The following PGBD1 variants were observed in gnomAD, a reference collection of about 807,000 sequenced individuals.
The protein encoded by PGBD1 is piggyBac transposable element derived 1.
Under a neutral mutation model 34.7 loss-of-function variants are expected in PGBD1, and 25 were observed. The ratio of observed to expected loss-of-function variants is 0.72; its 90% CI spans 0.52 to 1.00. PGBD1 has a LOEUF of 1.00. Among genes scored for constraint, PGBD1 ranks in the 50% least tolerant of loss-of-function variants. The pLI, the probability that PGBD1 is intolerant of heterozygous loss-of-function variation, is 0.00. For synonymous variants in PGBD1, 292 were observed against 335.7 expected (o/e 0.87, Z 1.42); for missense variants, 830 against 959.4 (o/e 0.87, Z 1.78).
intron 4 of PGBD1, among the ~76,000 whole-genome samples, chr6:28,292,656 A>G (rs2113750580): frequency 6.6e-6 from 1 of 152,180 alleles, no homozygotes; most frequent in South Asian, 2.1e-4. Flanking sequence ...AATACCAATG[A>G]CATTCTTCAC....
intron 4 of PGBD1, among the ~76,000 whole-genome samples, chr6:28,291,799 T>C (rs1436006323): frequency 6.6e-6 from 1 of 152,168 alleles, no homozygotes; most frequent in Non-Finnish European, 1.5e-5. Context: ...TGGTTCAACA[T>C]ATGCAAATCA....
At chr6:28,297,221 C>T (rs1762671790) in intron 5 of PGBD1, among the ~76,000 whole-genome samples, 1 of 152,090 alleles carries the variant, frequency 6.6e-6, no homozygotes, top group Non-Finnish European at 1.5e-5. Flanking sequence ...GTATCCTTTT[C>T]CCCTTTTTTC....
intron 4 of PGBD1, among the ~76,000 whole-genome samples, chr6:28,293,265 A>G (rs1047822924): frequency 6.6e-6 from 1 of 152,138 alleles, no homozygotes; most frequent in African/African-American, 2.4e-5. Flanking sequence ...CAAAGATAAC[A>G]TGGCCCTACT....
intron 1 of PGBD1, among the ~76,000 whole-genome samples, chr6:28,283,241 A>G (rs1762181091): frequency 6.6e-6 from 1 of 152,248 alleles, no homozygotes; most frequent in African/African-American, 2.4e-5. Context: ...TTTCTGCTGT[A>G]TTCCACTGGT....
intron 1 of PGBD1, among the ~76,000 whole-genome samples, chr6:28,283,524 C>A (rs1561883879): frequency 6.6e-6 from 1 of 152,238 alleles, no homozygotes; most frequent in Non-Finnish European, 1.5e-5. Context: ...GCAAGCTACT[C>A]GAGCTTTCTT....
Position 28,285,582 on chromosome 6 carries a change from A to C in PGBD1, c.428A>C (p.His143Pro), listed in dbSNP as rs760010326. The C allele has an allele frequency of 6.2e-6, 10 of 1,614,026 alleles. No individual in the cohort carries two copies. In the East Asian group the frequency reaches 2.0e-4, roughly 32 times the overall value. Residue 143 changes from histidine (H) to proline (P), a missense_variant, in exon 3 of 7, where the codon CAC becomes CCC. Physicochemically the swap from His to Pro is moderately conservative, Grantham distance 77. Transcript: ENST00000682144. Reference sequence around the variant, plus strand: ...GTCTATATTCAGGGACAGGACATGCACCCAATGGTGGCAGAATATCAAGGA... The same window carrying C: ...GTCTATATTCAGGGACAGGACATGCCCCCAATGGTGGCAGAATATCAAGGA... ...ASVYIQGQDM[H>P]PMVAEYQGVS...
At chr6:28,291,020 C>T (rs1581632979) in intron 4 of PGBD1, among the ~76,000 whole-genome samples, 1 of 150,518 alleles carries the variant, frequency 6.6e-6, no homozygotes, top group Non-Finnish European at 1.5e-5. Flanking sequence ...AAATGCACAA[C>T]CTAATGATAC....
intron 5 of PGBD1, 73 bp from the exon 6 acceptor site, chr6:28,297,822 T>G (rs1453340999): frequency 1.7e-5 from 3 of 173,556 alleles, no homozygotes; most frequent in Non-Finnish European, 3.2e-5. Context: ...GGAAGTTTTT[T>G]TTTTTTTTTT....
intron 2 of PGBD1, among the ~76,000 whole-genome samples, chr6:28,284,711 G>T (rs932556923): frequency 6.6e-6 from 1 of 152,038 alleles, no homozygotes; most frequent in African/African-American, 2.4e-5. Flanking sequence ...AGCGGGGGTG[G>T]GGTCTCACTA....
rs1363912083 is a variant in PGBD1 at position 28,302,073 on chromosome 6, C to T, written c.2219C>T (p.Ala740Val). Residue 740 changes from alanine (A) to valine (V), a missense_variant, in exon 7 of 7, where the codon GCT becomes GTT. Ala to Val is a moderately conservative substitution (Grantham distance 64). This residue lies in a region of PGBD1 where 372 missense variants were observed against 427.9 expected (regional missense o/e 0.87). Coordinates refer to ENST00000682144, the MANE Select transcript of PGBD1 (RefSeq NM_032507.4). ...KVYDECKEGVAKMDQIISKYR... is the reference protein window; with the variant it reads ...KVYDECKEGVVKMDQIISKYR... ...TATGATGAATGCAAGGAAGGTGTAG[C>T]TAAAATGGATCAAATTATTTCGAAA... 6.2e-7 allele frequency: 1 copy of T among 1,613,884 alleles called. No individual in the cohort carries two copies. Among genetic ancestry groups the T allele is most frequent in the Non-Finnish European group, 8.5e-7 (1 of 1,179,992 alleles).
At chr6:28,296,050 A>G (rs1762620319) in intron 4 of PGBD1, among the ~76,000 whole-genome samples, 1 of 152,214 alleles carries the variant, frequency 6.6e-6, no homozygotes, top group South Asian at 2.1e-4. Context: ...TCAAGAGGCT[A>G]ATGAAACCAT....
intron 4 of PGBD1, among the ~76,000 whole-genome samples, chr6:28,289,471 T>G (rs1040128822): frequency 6.6e-6 from 1 of 152,226 alleles, no homozygotes; most frequent in Non-Finnish European, 1.5e-5. Context: ...AAGACTAATG[T>G]GCATAAAGAA....
At chr6:28,297,814 A>C in intron 5 of PGBD1, 81 bp from the exon 6 acceptor site, 1 of 569,506 alleles carries the variant, frequency 1.8e-6, no homozygotes, top group Non-Finnish European at 3.0e-6. Flanking sequence ...CCTACCCTGG[A>C]AGTTTTTTTT....
chr6:28,302,188 C>T lies in PGBD1; in HGVS notation c.2334C>T (p.His778=). The change falls in exon 7 of 7, where the codon CAC becomes CAT. Residue 778 remains histidine (H), a synonymous_variant. Transcript: ENST00000682144. The part of the protein sequence containing the change: ...DVAMNNAWQL[H]RACNPGASLD... ...CCATGAACAATGCATGGCAACTACA[C>T]AGAGCCTGTAACCCAGGTGCTTCTC... 1 of 1,614,158 alleles carries T rather than the reference C, an allele frequency of 6.2e-7. No homozygotes were observed. Among genetic ancestry groups the T allele is most frequent in the Middle Eastern group, 1.6e-4 (1 of 6,062 alleles).
intron 4 of PGBD1, 86 bp downstream of exon 4, chr6:28,287,254 C>CGA: frequency 8.4e-7 from 1 of 1,185,654 alleles, no homozygotes; most frequent in Non-Finnish European, 1.3e-6. Flanking sequence ...TTGGCTCACA[C>CGA]TCATCATCGT....
In PGBD1 at chr6:28,300,141, T is replaced by C. The variant is rs1033338623; in HGVS notation, c.870-583T>C. Among the ~76,000 whole-genome samples the C allele has an allele frequency of 6.6e-6, 1 of 152,222 alleles. No individual in the cohort carries two copies. Among genetic ancestry groups the C allele is most frequent in the Non-Finnish European group, 1.5e-5 (1 of 68,030 alleles). On this transcript the variant is annotated intron_variant, in intron 6 of 6. Coordinates refer to ENST00000682144, the MANE Select transcript of PGBD1 (RefSeq NM_032507.4). This position sits in a 1 kb window ranked among gnomAD's most constrained non-coding sequence, Gnocchi z 4.0. ...CAGAGTAGTATGTCCATCAGATGAA[T>C]GTAGAACTAGCAGGGGCTAAGTCCT...
Position 28,300,605 on chromosome 6 carries a change from A to C in PGBD1, c.870-119A>C, listed in dbSNP as rs751780526. 3 of 1,171,154 alleles carry C rather than the reference A, an allele frequency of 2.6e-6. No homozygotes were observed. The highest frequency in any genetic ancestry group is 3.5e-6 in the Non-Finnish European group (3 of 850,312). 72.5% of individuals were successfully genotyped at this position (1,171,154 alleles called of 1,614,324 possible). A position where few individuals can be genotyped will look rare whatever the true frequency, so the allele number is the denominator to read the frequency against. On this transcript the variant is annotated intron_variant, in intron 6 of 6. Coordinates refer to ENST00000682144, the MANE Select transcript of PGBD1 (RefSeq NM_032507.4). The surrounding 1 kb of genome is among the most constrained non-coding windows in gnomAD (Gnocchi z 4.0). ...CTCCCCATGGAAACTTAAGAGAAAT[A>C]AGTAAGTATCCCCCCACACCCACCC...
At chr6:28,288,433 A>C (rs1762352151) in intron 4 of PGBD1, among the ~76,000 whole-genome samples, 1 of 152,240 alleles carries the variant, frequency 6.6e-6, no homozygotes, top group Admixed American at 6.5e-5. Flanking sequence ...ATGCTGCTTT[A>C]GCTCATGGCA....
rs1422966215 is a variant in PGBD1 at position 28,301,107 on chromosome 6, AC to A, written c.1256del (p.Pro419GlnfsTer2). ...TTGAATCTCAAGAGCGAAAAGTTGA[AC>A]CCAGTAGAGCTTTTTGAATTATTTT... ...GLLNLKSEKL[N>X]PVELFELFFD... On this transcript the variant is annotated frameshift_variant, in exon 7 of 7. Coordinates refer to ENST00000682144, the MANE Select transcript of PGBD1 (RefSeq NM_032507.4). LOFTEE classifies it low-confidence loss of function (END_TRUNC). The A allele has an allele frequency of 3.7e-6, 6 of 1,614,064 alleles. No individual in the cohort carries two copies. Among genetic ancestry groups the A allele is most frequent in the Non-Finnish European group, 5.1e-6 (6 of 1,180,042 alleles).
Sources: allele counts gnomAD v4.1 joint callset (sites outside exome capture counted in the v4.1 genomes callset), GRCh38; gene constraint gnomAD v4.1.1; regional missense constraint gnomAD v4.1.1; non-coding constraint Gnocchi (gnomAD v3.1); transcripts MANE v1.5; gene names NCBI Gene and HGNC (gene_info 2026-07-23, HGNC 2026-07-21).